TMEFF2: variants seen among roughly 807,000 people sequenced by gnomAD.
TMEFF2 encodes transmembrane protein with EGF like and two follistatin like domains 2.
In TMEFF2, 28 loss-of-function variants were observed where a neutral mutation model predicts 53.8. The ratio of observed to expected loss-of-function variants is 0.52; its 90% CI spans 0.39 to 0.71. The LOEUF (loss-of-function observed/expected upper bound fraction) is 0.71. Ranked by LOEUF, TMEFF2 falls within the 30% of genes least tolerant of loss-of-function variation. The probability of loss-of-function intolerance (pLI) is 0.00; values close to 1 mark genes in which losing one functional copy is unlikely to be tolerated. For missense variants in TMEFF2, 353 were observed against 455.2 expected, an observed-to-expected ratio of 0.78 and a Z score of 2.04; for synonymous variants, 162 against 166.3, an observed-to-expected ratio of 0.97 and a Z score of 0.20.
At chr2:191,978,438 T>C (rs879363739) in intron 7 of TMEFF2, among the ~76,000 whole-genome samples, 4 of 151,884 alleles carry the variant, frequency 2.6e-5, no homozygotes, top group Non-Finnish European at 5.9e-5. Context: ...ACTAATAAAA[T>C]TGCCAAGCAT....
At chr2:192,033,322 G>GTA (rs1687192132) in intron 5 of TMEFF2, among the ~76,000 whole-genome samples, 1 of 152,096 alleles carries the variant, frequency 6.6e-6, no homozygotes, top group Non-Finnish European at 1.5e-5. Flanking sequence ...TAGTTATTAC[G>GTA]TATATTCCTA....
intron 4 of TMEFF2, among the ~76,000 whole-genome samples, chr2:192,124,015 C>T (rs1252871686): frequency 6.6e-6 from 1 of 152,222 alleles, no homozygotes; most frequent in Admixed American, 6.5e-5. Context: ...GACAGGAGTG[C>T]AAAACTACTG....
intron 4 of TMEFF2, among the ~76,000 whole-genome samples, chr2:192,066,333 C>T (rs181537720): frequency 6.6e-6 from 1 of 151,736 alleles, no homozygotes; most frequent in African/African-American, 2.4e-5. Context: ...AAATCTATCA[C>T]CACTGATAAT....
intron 4 of TMEFF2, among the ~76,000 whole-genome samples, chr2:192,092,777 A>G (rs1396770685): frequency 6.6e-6 from 1 of 152,092 alleles, no homozygotes; most frequent in African/African-American, 2.4e-5. Context: ...GCAGAGAGGG[A>G]AAAGGCATTG....
intron 5 of TMEFF2, among the ~76,000 whole-genome samples, chr2:192,003,315 T>C (rs934418917): frequency 6.6e-6 from 1 of 152,200 alleles, no homozygotes; most frequent in African/African-American, 2.4e-5. Context: ...GGCAGTCTGA[T>C]GTCAGAGCCT....
At chr2:192,097,511 C>T (rs1025304914) in intron 4 of TMEFF2, among the ~76,000 whole-genome samples, 1 of 152,172 alleles carries the variant, frequency 6.6e-6, no homozygotes, top group East Asian at 1.9e-4. Context: ...ACAACAGACA[C>T]CCTCAATGGA....
At chr2:191,975,605 A>C (rs1011495749) in intron 7 of TMEFF2, among the ~76,000 whole-genome samples, 9 of 151,684 alleles carry the variant, frequency 5.9e-5, no homozygotes, top group African/African-American at 2.2e-4. Context: ...CTTCTTTAGT[A>C]GTTTTATTTT....
intron 4 of TMEFF2, among the ~76,000 whole-genome samples, chr2:192,150,208 T>C (rs1223861672): frequency 6.6e-6 from 1 of 151,946 alleles, no homozygotes; most frequent in Non-Finnish European, 1.5e-5. Context: ...TTAGTTACCA[T>C]ATTCCTCTAA....
intron 5 of TMEFF2, among the ~76,000 whole-genome samples, chr2:192,020,846 C>G (rs561182525): frequency 9.9e-5 from 15 of 152,186 alleles, no homozygotes; most frequent in African/African-American, 3.4e-4. Context: ...ATAATATAAC[C>G]TTCATTTGAC....
chr2:192,115,657 C>A (rs1574386096), intron 4 of TMEFF2, among the ~76,000 whole-genome samples: 1 of 151,780 alleles, frequency 6.6e-6, no homozygotes, highest in Non-Finnish European at 1.5e-5. Context: ...AACAAACCCC[C>A]CAAAAAACTC....
intron 1 of TMEFF2, among the ~76,000 whole-genome samples, chr2:192,192,743 G>A (rs1222938146): frequency 2.0e-5 from 3 of 152,164 alleles, no homozygotes; most frequent in Non-Finnish European, 2.9e-5. Context: ...TAGGAATGAA[G>A]CAAACCAGTC....
intron 4 of TMEFF2, among the ~76,000 whole-genome samples, chr2:192,091,127 T>C (rs761204428): frequency 9.9e-5 from 15 of 152,158 alleles, no homozygotes; most frequent in Admixed American, 1.3e-4. Flanking sequence ...CCAAGTAGTA[T>C]CACGTCTGCT....
chr2:191,975,022 C>T (rs977697613), intron 7 of TMEFF2, among the ~76,000 whole-genome samples: 13 of 151,058 alleles, frequency 8.6e-5, no homozygotes, highest in Admixed American at 1.3e-4. Flanking sequence ...CTAAATTTTC[C>T]ACAACAGTGT....
At chr2:192,091,149 C>A (rs898722800) in intron 4 of TMEFF2, among the ~76,000 whole-genome samples, 1 of 152,148 alleles carries the variant, frequency 6.6e-6, no homozygotes, top group Non-Finnish European at 1.5e-5. Flanking sequence ...CCAGGCTTAG[C>A]GATTCTCTCC....
At position 191,949,140 on chromosome 2, in the gene TMEFF2, T is replaced by C. The variant is rs1259354089; in HGVS notation, c.*1171A>G. On this transcript the variant is annotated 3_prime_UTR_variant, in exon 10 of 10. Coordinates refer to ENST00000272771, the MANE Select transcript of TMEFF2 (RefSeq NM_016192.4). Reference sequence around the variant, plus strand: ...TGATAATAATTGATTTATTTTCATCTTATTCCTTGAGAATTTTCACAGCTT... The same window carrying C: ...TGATAATAATTGATTTATTTTCATCCTATTCCTTGAGAATTTTCACAGCTT... 4.1e-6 allele frequency: 4 copies of C among 985,172 alleles called. No homozygotes were observed. The highest frequency in any genetic ancestry group is 4.8e-6 in the Non-Finnish European group (4 of 829,802). 61.0% of individuals were successfully genotyped at this position (985,172 alleles called of 1,614,324 possible). A position where few individuals can be genotyped will look rare whatever the true frequency, so the allele number is the denominator to read the frequency against.
At chr2:192,038,916 T>C (rs1687402724) in intron 5 of TMEFF2, among the ~76,000 whole-genome samples, 2 of 152,202 alleles carry the variant, frequency 1.3e-5, no homozygotes, top group Non-Finnish European at 2.9e-5. Context: ...TCAACCCTTC[T>C]AGCCAATGTT....
chr2:192,162,525 T>G (rs1690659268), intron 4 of TMEFF2, among the ~76,000 whole-genome samples: 1 of 152,146 alleles, frequency 6.6e-6, no homozygotes, highest in Non-Finnish European at 1.5e-5. Context: ...TAATCTTTGT[T>G]GGCTTTAGAG....
intron 4 of TMEFF2, among the ~76,000 whole-genome samples, chr2:192,073,573 G>A (rs915584258): frequency 1.3e-5 from 2 of 151,822 alleles, no homozygotes; most frequent in African/African-American, 4.8e-5. Context: ...TTCTTGGTGC[G>A]TAGAAATGTA....
At chr2:192,105,886 G>A (rs1218041730) in intron 4 of TMEFF2, among the ~76,000 whole-genome samples, 1 of 151,796 alleles carries the variant, frequency 6.6e-6, no homozygotes, top group Non-Finnish European at 1.5e-5. Flanking sequence ...CAGAAATAGG[G>A]TGCTTAACAC....
Sources: allele counts gnomAD v4.1 joint callset (sites outside exome capture counted in the v4.1 genomes callset), GRCh38; gene constraint gnomAD v4.1.1; transcripts MANE v1.5; gene names NCBI Gene and HGNC (gene_info 2026-07-23, HGNC 2026-07-21).